Variants in TUBGCP5 observed in about 807,000 individuals in gnomAD.
TUBGCP5 encodes gamma-tubulin complex component 5.
Under a neutral mutation model 134.7 loss-of-function variants are expected in TUBGCP5, and 98 were observed. The ratio of observed to expected loss-of-function variants is 0.73; its 90% CI spans 0.62 to 0.86. The LOEUF (loss-of-function observed/expected upper bound fraction) is 0.86. Ranked by LOEUF, TUBGCP5 falls within the 40% of genes least tolerant of loss-of-function variation. The pLI, the probability that TUBGCP5 is intolerant of heterozygous loss-of-function variation, is 0.00. For missense variants in TUBGCP5, 1,150 were observed against 1,244.8 expected, an observed-to-expected ratio of 0.92 and a Z score of 1.15; for synonymous variants, 456 against 431.4, an observed-to-expected ratio of 1.06 and a Z score of -0.71.
chr15:23,017,845 C>A lies in TUBGCP5; in HGVS notation c.1684G>T (p.Ala562Ser), dbSNP rs1249264325. 1 of 1,614,064 alleles carries A rather than the reference C, an allele frequency of 6.2e-7. No individual in the cohort carries two copies. Among genetic ancestry groups the A allele is most frequent in the South Asian group, 1.1e-5 (1 of 91,070 alleles). Residue 562 changes from alanine (A) to serine (S), a missense_variant, in exon 13 of 23, where the codon GCT (alanine) becomes TCT (serine). By Grantham distance (99) the Ala-to-Ser change is moderately conservative. Around this residue, in one of 2 missense-constraint regions of TUBGCP5, gnomAD observed 697 missense variants for 850.1 expected, o/e 0.82. Coordinates refer to ENST00000615383, the MANE Select transcript of TUBGCP5 (RefSeq NM_052903.6). ...LKPVLKQIIM[A>S]GKSMQLLKNL... ...TTCAGCAGCTGCATCGACTTGCCAG[C>A]CATTATGATCTGCTTCAGGACAGGT...
At chr15:22,991,889 T>C (rs934314122) in intron 23 of TUBGCP5, among the ~76,000 whole-genome samples, 52 of 152,152 alleles carry the variant, frequency 3.4e-4, no homozygotes, top group Admixed American at 3.3e-3. Context: ...TTGGTCTTTT[T>C]CTTCCAGGCA....
At chr15:23,003,568 T>C (rs1329851668) in intron 20 of TUBGCP5, among the ~76,000 whole-genome samples, 1 of 151,308 alleles carries the variant, frequency 6.6e-6, no homozygotes, top group Non-Finnish European at 1.5e-5. Flanking sequence ...GAGTGTTGAC[T>C]ATCACACATA....
rs1258351811 is a variant in TUBGCP5, at chr15:23,032,837, A to G, written c.310-13T>C. 1.9e-6 allele frequency: 3 copies of G among 1,538,540 alleles called. No individual in the cohort carries two copies. Among genetic ancestry groups the G allele is most frequent in the South Asian group, 2.5e-5 (2 of 79,924 alleles). The stretch of plus-strand genomic sequence containing the variant: ...AATGTGCATCTGTCTTTAAAACAAA[A>G]AAAAGAACATAAATCTCTGAGGTTG... On this transcript the variant is annotated splice_polypyrimidine_tract_variant and intron_variant, in intron 3 of 22. Coordinates refer to ENST00000615383, the MANE Select transcript of TUBGCP5 (RefSeq NM_052903.6).
At chr15:23,032,397 T>A (rs1208795575) in intron 4 of TUBGCP5, among the ~76,000 whole-genome samples, 2 of 152,184 alleles carry the variant, frequency 1.3e-5, no homozygotes, top group African/African-American at 4.8e-5. Flanking sequence ...CTTTAAATAA[T>A]CTCTAGATTA....
At chr15:22,987,435 A>G (rs2063712893) in intron 23 of TUBGCP5, among the ~76,000 whole-genome samples, 1 of 152,114 alleles carries the variant, frequency 6.6e-6, no homozygotes, top group Admixed American at 6.5e-5. Context: ...GTAAACTGAA[A>G]AAGCATCCCC....
intron 1 of TUBGCP5, among the ~76,000 whole-genome samples, chr15:23,039,181 G>A (rs922827570): frequency 3.9e-5 from 6 of 152,004 alleles, no homozygotes. Flanking sequence ...CGATCAGGAC[G>A]CGTCCCGGGT....
chr15:23,006,920 T>C (rs1464053143), intron 16 of TUBGCP5, among the ~76,000 whole-genome samples: 1 of 152,190 alleles, frequency 6.6e-6, no homozygotes, highest in Non-Finnish European at 1.5e-5. Context: ...CCTTAGCTCA[T>C]TTAATCCTCA....
At chr15:22,998,317 A>G (rs2064190064), downstream of TUBGCP5, among the ~76,000 whole-genome samples, 1 of 152,184 alleles carries the variant, frequency 6.6e-6, no homozygotes, top group Non-Finnish European at 1.5e-5. Flanking sequence ...TCCACATTTC[A>G]AAAAACAAGG....
intron 12 of TUBGCP5, among the ~76,000 whole-genome samples, chr15:23,018,749 T>C (rs145756905): frequency 5.5e-4 from 84 of 152,236 alleles, no homozygotes; most frequent in African/African-American, 1.8e-3. Context: ...TGAAGGGAAA[T>C]TGTCATAAAT....
intron 23 of TUBGCP5, among the ~76,000 whole-genome samples, chr15:22,984,877 ATAAAT>A: frequency 6.6e-6 from 1 of 152,224 alleles, no homozygotes; most frequent in Admixed American, 6.5e-5. Flanking sequence ...GAAAAAAATG[ATAAAT>A]TGATTTGATC....
At position 23,007,389 on chromosome 15, in the gene TUBGCP5, C is replaced by CA. The variant is rs1055081525; in HGVS notation, c.2328-1038dup. ...TGGGTGACAGAGCAAGACTCTGTCT[C>CA]AAAAAAAAGAATTTTTAGCTCTTAA... On this transcript the variant is annotated intron_variant, in intron 16 of 22. Coordinates refer to ENST00000615383, the MANE Select transcript of TUBGCP5 (RefSeq NM_052903.6). 7.3e-5 allele frequency among the ~76,000 whole-genome samples: 11 copies of CA among 151,642 alleles called. 1 individual carries two copies. Among genetic ancestry groups the CA allele is most frequent in the Admixed American group, 3.3e-4 (5 of 15,214 alleles).
intron 6 of TUBGCP5, among the ~76,000 whole-genome samples, chr15:23,030,639 A>G (rs2066255383): frequency 6.6e-6 from 1 of 151,540 alleles, no homozygotes; most frequent in Admixed American, 6.6e-5. Flanking sequence ...TACAGCTGAG[A>G]AAGTTCTCAG....
chr15:23,011,114 C>G lies in TUBGCP5; in HGVS notation c.1955+19G>C. 6.2e-7 allele frequency: 1 copy of G among 1,611,514 alleles called. No homozygotes were observed. The highest frequency in any genetic ancestry group is 8.5e-7 in the Non-Finnish European group (1 of 1,178,356). ...ATGATGCCATTTCAATTACTGATAACCTTGCAGGTGTGTCTCACCTTGCAA... is the reference window on the plus strand; with the variant it reads ...ATGATGCCATTTCAATTACTGATAAGCTTGCAGGTGTGTCTCACCTTGCAA... On this transcript the variant is annotated intron_variant, in intron 14 of 22. Transcript: ENST00000615383.
chr15:23,039,003 G>A (rs1280449627), intron 1 of TUBGCP5, among the ~76,000 whole-genome samples: 1 of 151,636 alleles, frequency 6.6e-6, no homozygotes, highest in East Asian at 2.0e-4. Context: ...CAGGGAGCAG[G>A]AGTCAGTGAG....
At chr15:23,001,858 T>TA (rs2064406828) in intron 21 of TUBGCP5, among the ~76,000 whole-genome samples, 1 of 152,058 alleles carries the variant, frequency 6.6e-6, no homozygotes, top group African/African-American at 2.4e-5. Context: ...ACTTTAAAGA[T>TA]AAAGACTCCT....
rs777634280 is a variant in TUBGCP5 at position 23,019,283 on chromosome 15, T to C, written c.1423A>G (p.Thr475Ala). Reference protein sequence around the residue: ...WVETVRPYLQTVDEWIVHGHL... With the variant: ...WVETVRPYLQAVDEWIVHGHL... ...CCGTGCACGATCCACTCGTCCACCG[T>C]CTGCAGGTAAGGCCGCACCGTTTCC... The change falls in exon 12 of 23, where the codon ACG becomes GCG. Residue 475 changes from threonine (T) to alanine (A), a missense_variant. Thr to Ala is a moderately conservative substitution (Grantham distance 58). Transcript: ENST00000615383. 6.2e-7 allele frequency: 1 copy of C among 1,614,078 alleles called. No individual in the cohort carries two copies. Among genetic ancestry groups the C allele is most frequent in the Admixed American group, 1.7e-5 (1 of 60,010 alleles).
intron 23 of TUBGCP5, among the ~76,000 whole-genome samples, chr15:22,986,601 G>T (rs949885805): frequency 2.0e-5 from 3 of 151,982 alleles, no homozygotes; most frequent in Non-Finnish European, 4.4e-5. Context: ...AGCCGGGTGT[G>T]GTGGTGGGTG....
intron 6 of TUBGCP5, among the ~76,000 whole-genome samples, chr15:23,029,666 T>C (rs914207675): frequency 1.3e-5 from 2 of 151,786 alleles, no homozygotes; most frequent in African/African-American, 4.8e-5. Flanking sequence ...GGTGGACGAG[T>C]TGAGGTCAGG....
At chr15:22,993,533 T>G (rs28711454) in intron 23 of TUBGCP5, among the ~76,000 whole-genome samples, 4 of 84,408 alleles carry the variant, frequency 4.7e-5, no homozygotes, top group South Asian at 5.2e-4. Context: ...AAGTTTTTTT[T>G]TTTTTTTTTT....
Sources: gnomAD v4.1 joint callset for allele counts (sites outside exome capture counted in the v4.1 genomes callset) on GRCh38, gnomAD v4.1.1 for gene constraint, gnomAD v4.1.1 regional missense constraint, MANE v1.5 for transcripts, NCBI Gene and HGNC (gene_info 2026-07-23, HGNC 2026-07-21) for gene names.